Variants in NRG3 observed in about 807,000 individuals in gnomAD.
NRG3 encodes the protein neuregulin 3.
NRG3 carries 31 observed loss-of-function variants against 66.9 expected under a neutral mutation model. The ratio of observed to expected loss-of-function variants is 0.46; its 90% CI spans 0.35 to 0.63. NRG3 has a LOEUF of 0.63. Among genes scored for constraint, NRG3 ranks in the 20% least tolerant of loss-of-function variants. The probability of loss-of-function intolerance (pLI) is 0.00; values close to 1 mark genes in which losing one functional copy is unlikely to be tolerated. For synonymous variants in NRG3, 393 were observed against 359.4 expected, an observed-to-expected ratio of 1.09 and a Z score of -1.06; for missense variants, 910 against 878.9, an observed-to-expected ratio of 1.04 and a Z score of -0.45.
rs202076612 is a variant in NRG3 at position 82,163,921 on chromosome 10, A to ATT, written c.824-194818_824-194817insTT. ...CTATAGGTTTTTGTTTCTCTCTTAAAATTTTTTTTTTTTTTTTGAGATGGA... is the reference window on the plus strand; with the variant it reads ...CTATAGGTTTTTGTTTCTCTCTTAAATTATTTTTTTTTTTTTTTTGAGATGGA... On this transcript the variant is annotated intron_variant, in intron 1 of 8. Coordinates refer to ENST00000372141, the MANE Select transcript of NRG3 (RefSeq NM_001010848.4). Among the ~76,000 whole-genome samples, 85 of 142,698 alleles carry ATT rather than the reference A, an allele frequency of 6.0e-4. 4 individuals are homozygous for ATT. Among genetic ancestry groups the ATT allele is most frequent in the South Asian group, 9.2e-4 (4 of 4,366 alleles). The allele number at this position is 142,698 out of a possible 152,430, so 93.6% of individuals were successfully genotyped here.
At chr10:82,943,622 C>T (rs1053922658) in intron 4 of NRG3, among the ~76,000 whole-genome samples, 1 of 152,198 alleles carries the variant, frequency 6.6e-6, no homozygotes, top group African/African-American at 2.4e-5. Context: ...TTGTTCTCTT[C>T]AGGATCCCAG....
intron 2 of NRG3, among the ~76,000 whole-genome samples, chr10:82,613,629 A>T (rs2048449332): frequency 4.0e-5 from 6 of 151,824 alleles, no homozygotes; most frequent in Admixed American, 3.9e-4. Flanking sequence ...TACAGTTGTG[A>T]TATTTTCATA....
intron 2 of NRG3, among the ~76,000 whole-genome samples, chr10:82,677,228 T>C (rs2053768747): frequency 6.6e-6 from 1 of 152,152 alleles, no homozygotes; most frequent in Non-Finnish European, 1.5e-5. Context: ...TTTTTTGTAC[T>C]TTTTGTAGAG....
At chr10:82,137,150 C>T (rs1296509359) in intron 1 of NRG3, among the ~76,000 whole-genome samples, 1 of 152,126 alleles carries the variant, frequency 6.6e-6, no homozygotes, top group Non-Finnish European at 1.5e-5. Context: ...CCTCCCTAAG[C>T]TCCTCTGTAG....
chr10:82,245,161 T>G (rs1287006440), intron 1 of NRG3, among the ~76,000 whole-genome samples: 1 of 152,160 alleles, frequency 6.6e-6, no homozygotes, highest in East Asian at 1.9e-4. Flanking sequence ...ACTAGAGGGT[T>G]CCATCTGTGG....
At chr10:82,047,264 T>A (rs1182521750) in intron 1 of NRG3, among the ~76,000 whole-genome samples, 1 of 151,990 alleles carries the variant, frequency 6.6e-6, no homozygotes, top group African/African-American at 2.4e-5. Flanking sequence ...ACAAAGATAC[T>A]CCTCGAGAAG....
chr10:82,422,034 A>G (rs760481674), intron 2 of NRG3, among the ~76,000 whole-genome samples: 1 of 152,032 alleles, frequency 6.6e-6, no homozygotes, highest in Non-Finnish European at 1.5e-5. Context: ...GTAATAATTT[A>G]CATGTGATAT....
Position 81,979,629 on chromosome 10 carries a change from C to A in NRG3, c.823+103466C>A, listed in dbSNP as rs193109170. The stretch of plus-strand genomic sequence containing the variant: ...TTGATTTATAATAAGAGCTTACATC[C>A]AAATGTTTTGATAGCAGAGTCAAAA... On this transcript the variant is annotated intron_variant, in intron 1 of 8. Transcript: ENST00000372141. Among the ~76,000 whole-genome samples, 334 of 152,142 alleles carry A rather than the reference C, an allele frequency of 2.2e-3. 1 individual carries two copies. Among genetic ancestry groups the A allele is most frequent in the Middle Eastern group, 0.01 (3 of 294 alleles).
chr10:82,772,680 A>T (rs1289425841), intron 3 of NRG3, among the ~76,000 whole-genome samples: 1 of 137,416 alleles, frequency 7.3e-6, no homozygotes, highest in Non-Finnish European at 1.6e-5. Context: ...AGTATTACCC[A>T]TGGTTTCCAG....
rs192418287 is a variant in NRG3 at position 82,174,651 on chromosome 10, A to G, written c.824-184088A>G. ...TTAATTTTTCTTTCAGTCCTTTTCA[A>G]TATATCAGTTCTCCCCAAATGAAAT... On this transcript the variant is annotated intron_variant, in intron 1 of 8. Coordinates refer to ENST00000372141, the MANE Select transcript of NRG3 (RefSeq NM_001010848.4). Among the ~76,000 whole-genome samples, 150 of 152,116 alleles carry G rather than the reference A, an allele frequency of 9.9e-4. 1 individual carries two copies. The highest frequency in any genetic ancestry group is 3.1e-3 in the Admixed American group (47 of 15,256).
intron 1 of NRG3, among the ~76,000 whole-genome samples, chr10:81,943,694 A>T (rs746964205): frequency 6.6e-6 from 1 of 152,238 alleles, no homozygotes; most frequent in African/African-American, 2.4e-5. Flanking sequence ...AGAAAGGAAG[A>T]AAAACATTTC....
chr10:82,143,337 A>G (rs2069967233), intron 1 of NRG3, among the ~76,000 whole-genome samples: 2 of 152,172 alleles, frequency 1.3e-5, no homozygotes, highest in African/African-American at 4.8e-5. Context: ...ACTAATGTGC[A>G]TGTTTTGAAT....
At chr10:82,951,407 T>G (rs1849501812) in intron 4 of NRG3, 62 bp from the exon 5 acceptor site, 3 of 1,310,408 alleles carry the variant, frequency 2.3e-6, no homozygotes, top group Non-Finnish European at 3.3e-6. Context: ...AGTACATGGA[T>G]GAAGATAGTT....
intron 2 of NRG3, among the ~76,000 whole-genome samples, chr10:82,471,407 G>A (rs1841247694): frequency 6.6e-6 from 1 of 152,084 alleles, no homozygotes; most frequent in African/African-American, 2.4e-5. Flanking sequence ...GTTGCCTGCT[G>A]GCTGTCAACC....
intron 1 of NRG3, among the ~76,000 whole-genome samples, chr10:82,044,937 G>T (rs372630178): frequency 1.3e-5 from 2 of 151,752 alleles, no homozygotes. Flanking sequence ...TGGTGTACAT[G>T]TGCCACATTT....
intron 4 of NRG3, among the ~76,000 whole-genome samples, chr10:82,949,583 G>A (rs1431892567): frequency 6.6e-6 from 1 of 152,054 alleles, no homozygotes; most frequent in South Asian, 2.1e-4. Flanking sequence ...GGCTGGGTGT[G>A]GTGGCTCACA....
chr10:82,860,849 A>C (rs549804919), intron 3 of NRG3, among the ~76,000 whole-genome samples: 10 of 152,222 alleles, frequency 6.6e-5, no homozygotes, highest in Admixed American at 6.5e-4. Context: ...TGCTGAGTGA[A>C]TGAATGAACT....
intron 2 of NRG3, among the ~76,000 whole-genome samples, chr10:82,562,901 C>G (rs1326644067): frequency 1.3e-5 from 2 of 152,062 alleles, no homozygotes; most frequent in Non-Finnish European, 2.9e-5. Flanking sequence ...TGGCACACTG[C>G]ACTTCCAGTC....
Position 82,358,860 on chromosome 10 carries a change from A to T in NRG3, c.945A>T (p.Lys315Asn), listed in dbSNP as rs757893976. Residue 315 changes from lysine (K) to asparagine (N), a missense_variant, in exon 2 of 9, where the codon AAA (lysine) becomes AAT (asparagine). Transcript: ENST00000372141. The stretch of plus-strand genomic sequence containing the variant: ...TCGAAACCCTGACCGGATCCCATAA[A>T]CACTGTCGGTAAGCCACTGAGGCCA... The part of the protein sequence containing the change: ...FVIETLTGSH[K>N]HCRCKEGYQG... The T allele has an allele frequency of 1.2e-6, 2 of 1,614,128 alleles. No homozygotes were observed. The highest frequency in any genetic ancestry group is 2.2e-5 in the South Asian group (2 of 91,068).
Sources: gnomAD v4.1 joint callset for allele counts (sites outside exome capture counted in the v4.1 genomes callset) on GRCh38, gnomAD v4.1.1 for gene constraint, MANE v1.5 for transcripts, NCBI Gene and HGNC (gene_info 2026-07-23, HGNC 2026-07-21) for gene names.